The following SLC1A7 variants were observed in gnomAD, a reference collection of about 807,000 sequenced individuals.
SLC1A7 encodes the protein solute carrier family 1 member 7.
A neutral mutation model predicts 47.7 loss-of-function variants in SLC1A7; 40 were observed. The observed-to-expected ratio is 0.84, with a 90% CI of 0.65 to 1.09. The LOEUF (loss-of-function observed/expected upper bound fraction) is 1.09, where lower values mean the gene tolerates loss of function less well. Among genes scored for constraint, SLC1A7 ranks in the 50% least tolerant of loss-of-function variants. The pLI is 0.00. For missense variants in SLC1A7, 746 were observed against 769.5 expected (o/e 0.97, Z 0.36); for synonymous variants, 323 against 325.6 (o/e 0.99, Z 0.09).
At chr1:53,100,111 A>G (rs1453901892) in intron 5 of SLC1A7, among the ~76,000 whole-genome samples, 1 of 146,402 alleles carries the variant, frequency 6.8e-6, no homozygotes, top group Non-Finnish European at 1.5e-5. Context: ...CACCACCTCG[A>G]CACACTCATA....
chr1:53,114,743 G>C lies in SLC1A7; in HGVS notation c.431+15C>G. 6.2e-7 allele frequency: 1 copy of C among 1,609,578 alleles called. No individual in the cohort carries two copies. Among genetic ancestry groups the C allele is most frequent in the Non-Finnish European group, 8.5e-7 (1 of 1,176,556 alleles). ...GCCTGGCGTTCCCAAGCGGGGTGTG[G>C]GTGGCAATAGTTACCGGATGAGGTC... On this transcript the variant is annotated intron_variant, in intron 3 of 10. Transcript: ENST00000371494.
At position 53,114,798 on chromosome 1, in the gene SLC1A7, G is replaced by T; in HGVS notation, c.391C>A (p.Pro131Thr). The change falls in exon 3 of 11, where the codon CCC becomes ACC. Residue 131 changes from proline (P) to threonine (T), a missense_variant. Physicochemically the swap from Pro to Thr is conservative, Grantham distance 38. Transcript: ENST00000371494. ...QKETTEQSGK[P>T]IMSSADALLD... ...AGGGCATCGGCTGAGCTCATGATGG[G>T]CTTCCCACTCTGCTCCGTGGTCTCC... 6.2e-7 allele frequency: 1 copy of T among 1,614,164 alleles called. No individual in the cohort carries two copies. The highest frequency in any genetic ancestry group is 8.5e-7 in the Non-Finnish European group (1 of 1,180,024).
In SLC1A7 at chr1:53,106,964, G is replaced by C. The variant is rs1440265966; in HGVS notation, c.432-1190C>G. ...GAGGTCAGGAGTTTGAGACCAGCCT[G>C]GCCAACATGGCGAAACCCCGTCTCT... On this transcript the variant is annotated intron_variant, in intron 3 of 10. Coordinates refer to ENST00000371494, the MANE Select transcript of SLC1A7 (RefSeq NM_006671.6). Among the ~76,000 whole-genome samples, 3 of 151,896 alleles carry C rather than the reference G, an allele frequency of 2.0e-5. No homozygotes were observed. The East Asian group carries it at 5.8e-4, about 29-fold the overall frequency.
chr1:53,133,445 G>C (rs1644961271), intron 2 of SLC1A7, among the ~76,000 whole-genome samples: 1 of 152,134 alleles, frequency 6.6e-6, no homozygotes, highest in East Asian at 1.9e-4. Flanking sequence ...CACAAAGGGG[G>C]GAGGTCCAAG....
At chr1:53,130,134 G>A (rs545717510) in intron 2 of SLC1A7, among the ~76,000 whole-genome samples, 10 of 152,364 alleles carry the variant, frequency 6.6e-5, no homozygotes, top group Admixed American at 4.6e-4. Flanking sequence ...CACACACAGC[G>A]TCAGCATTGG....
chr1:53,092,819 CCAGG>C, intron 6 of SLC1A7, 32 bp from the exon 7 acceptor site: 1 of 1,455,682 alleles, frequency 6.9e-7, no homozygotes, highest in Non-Finnish European at 9.6e-7. Flanking sequence ...GGCTCAGGAA[CCAGG>C]CAGGCAGACA....
At chr1:53,095,797 A>G (rs1232069642) in intron 5 of SLC1A7, among the ~76,000 whole-genome samples, 1 of 145,560 alleles carries the variant, frequency 6.9e-6, no homozygotes, top group Non-Finnish European at 1.5e-5. Context: ...ACCTCGGTAC[A>G]TTCACCCCGA....
chr1:53,094,208 T>G (rs193192037), intron 5 of SLC1A7, among the ~76,000 whole-genome samples: 1 of 152,228 alleles, frequency 6.6e-6, no homozygotes, highest in African/African-American at 2.4e-5. Flanking sequence ...TGCATCTCCT[T>G]AGCTGGAGCA....
chr1:53,092,737 A>G lies in SLC1A7; in HGVS notation c.848T>C (p.Met283Thr), dbSNP rs142088615. Residue 283 changes from methionine (M) to threonine (T), a missense_variant, in exon 7 of 11, where the codon ATG (methionine) becomes ACG (threonine). Transcript: ENST00000371494. ...CTTGCCGACGGCCCTGGGGTCGTCC[A>G]TCTCCAGGATCTTACCCGCAATGAG... ...VFLIAGKILE[M>T]DDPRAVGKKL... 6.2e-7 allele frequency: 1 copy of G among 1,613,994 alleles called. No homozygotes were observed. Among genetic ancestry groups the G allele is most frequent in the Non-Finnish European group, 8.5e-7 (1 of 1,179,942 alleles).
chr1:53,142,606 G>A lies in SLC1A7; in HGVS notation c.-157C>T, dbSNP rs773830743. 9.3e-6 allele frequency: 7 copies of A among 749,680 alleles called. No individual in the cohort carries two copies. The highest frequency in any genetic ancestry group is 1.5e-5 in the Non-Finnish European group (7 of 481,262). The allele number at this position is 749,680 out of a possible 1,614,324, so 46.4% of individuals were successfully genotyped here. ...CCAGCCCCACGGCCATGCCCGTGTG[G>A]CCGCCTTAGAGGGAAGCCACAATCC... is the stretch of plus-strand genomic sequence containing the variant. On this transcript the variant is annotated 5_prime_UTR_variant, in exon 1 of 11. Transcript: ENST00000371494.
intron 2 of SLC1A7, among the ~76,000 whole-genome samples, chr1:53,128,659 C>T (rs1287080332): frequency 7.0e-6 from 1 of 142,364 alleles, no homozygotes; most frequent in Non-Finnish European, 1.6e-5. Flanking sequence ...GCAGGGCATG[C>T]TGCATGGTCT....
At chr1:53,092,454 G>A (rs1572293998) in intron 7 of SLC1A7, 100 bp downstream of exon 7, 7 of 864,526 alleles carry the variant, frequency 8.1e-6, no homozygotes, top group Middle Eastern at 3.0e-4. Context: ...CCACACTGGC[G>A]TTTTGGTGGT....
chr1:53,089,256 T>TG (rs1553161144), intron 9 of SLC1A7, among the ~76,000 whole-genome samples: 1 of 147,122 alleles, frequency 6.8e-6, no homozygotes, highest in Non-Finnish European at 1.5e-5. Flanking sequence ...TAGGTTTGTT[T>TG]TTTGTTTGTT....
intron 1 of SLC1A7, among the ~76,000 whole-genome samples, chr1:53,136,354 C>A (rs112244720): frequency 6.8e-6 from 1 of 147,522 alleles, no homozygotes; most frequent in African/African-American, 2.5e-5. Context: ...CCACTATGCC[C>A]GGCTAAATTT....
At chr1:53,090,018 G>T in intron 8 of SLC1A7, 84 bp from the exon 9 acceptor site, 4 of 1,493,308 alleles carry the variant, frequency 2.7e-6, no homozygotes, top group Non-Finnish European at 3.7e-6. Flanking sequence ...GAGGTTGAGT[G>T]TCAGGGCCTC....
intron 1 of SLC1A7, among the ~76,000 whole-genome samples, chr1:53,138,766 G>A (rs1223572751): frequency 6.6e-6 from 1 of 151,884 alleles, no homozygotes; most frequent in Non-Finnish European, 1.5e-5. Flanking sequence ...GGGTATTCAG[G>A]GTCTCCAACA....
At position 53,092,272 on chromosome 1, in the gene SLC1A7, C is replaced by T. The variant is rs11588325; in HGVS notation, c.1031+282G>A. 0.03 allele frequency among the ~76,000 whole-genome samples: 4,596 copies of T among 152,362 alleles called. 82 individuals are homozygous for T. The highest frequency in any genetic ancestry group is 0.067 in the South Asian group (325 of 4,832). On this transcript the variant is annotated intron_variant, in intron 7 of 10. Coordinates refer to ENST00000371494, the MANE Select transcript of SLC1A7 (RefSeq NM_006671.6). ...AGCAGTGCGTTGCCAATGTGATTTCCCACTGACTCTACTGTGCTGTCTGCC... is the reference window on the plus strand; with the variant it reads ...AGCAGTGCGTTGCCAATGTGATTTCTCACTGACTCTACTGTGCTGTCTGCC...
At chr1:53,139,033 AC>A (rs1645029831) in intron 1 of SLC1A7, among the ~76,000 whole-genome samples, 1 of 151,034 alleles carries the variant, frequency 6.6e-6, no homozygotes. Context: ...CTCATTAGAG[AC>A]CCCCTTTTCT....
At chr1:53,115,562 CTGGACGA>C (rs1644750883) in intron 2 of SLC1A7, 2 of 156,754 alleles carry the variant, frequency 1.3e-5, no homozygotes, top group African/African-American at 4.8e-5. Context: ...CTGCGGGCTC[CTGGACGA>C]GCTAATGAGG....
Sources: gnomAD v4.1 joint callset for allele counts (sites outside exome capture counted in the v4.1 genomes callset) on GRCh38, gnomAD v4.1.1 for gene constraint, MANE v1.5 for transcripts, NCBI Gene and HGNC (gene_info 2026-07-23, HGNC 2026-07-21) for gene names.